BMPER: variants seen among roughly 807,000 people sequenced by gnomAD.
The protein encoded by BMPER is BMP-binding endothelial regulator protein.
Under a neutral mutation model 87.3 loss-of-function variants are expected in BMPER, and 45 were observed. The ratio of observed to expected loss-of-function variants is 0.52; its 90% CI spans 0.41 to 0.66. The LOEUF (loss-of-function observed/expected upper bound fraction) is 0.66. Among genes scored for constraint, BMPER ranks in the 30% least tolerant of loss-of-function variants. The probability of loss-of-function intolerance (pLI) is 0.00; values close to 1 mark genes in which losing one functional copy is unlikely to be tolerated. For synonymous variants in BMPER, 326 were observed against 316.2 expected, an observed-to-expected ratio of 1.03 and a Z score of -0.33; for missense variants, 784 against 867.5, an observed-to-expected ratio of 0.90 and a Z score of 1.21.
intron 13 of BMPER, among the ~76,000 whole-genome samples, chr7:34,113,506 G>A (rs1790034778): frequency 6.8e-6 from 1 of 147,302 alleles, no homozygotes; most frequent in South Asian, 2.2e-4. Context: ...TAATCTATCT[G>A]GAATTTATTT....
At chr7:34,064,917 A>G (rs958955756) in intron 11 of BMPER, among the ~76,000 whole-genome samples, 3 of 152,178 alleles carry the variant, frequency 2.0e-5, no homozygotes, top group Non-Finnish European at 4.4e-5. Flanking sequence ...TAACACATTC[A>G]GGTAGATTTA....
chr7:33,938,281 G>C (rs1280263356), intron 3 of BMPER, among the ~76,000 whole-genome samples: 1 of 152,192 alleles, frequency 6.6e-6, no homozygotes, highest in Non-Finnish European at 1.5e-5. Flanking sequence ...AGTTTACTGG[G>C]TGGCAGAGTG....
intron 2 of BMPER, among the ~76,000 whole-genome samples, chr7:33,930,266 G>T (rs1343261938): frequency 6.6e-6 from 1 of 152,030 alleles, no homozygotes; most frequent in Non-Finnish European, 1.5e-5. Context: ...TGTACACTTA[G>T]GGTTTGTGGC....
Position 33,905,594 on chromosome 7 carries a change from G to A in BMPER, c.-20G>A. 1 of 1,610,768 alleles carries A rather than the reference G, an allele frequency of 6.2e-7. No homozygotes were observed. ...GGCGGCGCGGGACCTGCAGTCGCCAGGGATTCCCTCCAGGTGACGATGCTC... is the reference window on the plus strand; with the variant it reads ...GGCGGCGCGGGACCTGCAGTCGCCAAGGATTCCCTCCAGGTGACGATGCTC... On this transcript the variant is annotated 5_prime_UTR_variant, in exon 1 of 15. Transcript: ENST00000649409.
In BMPER at chr7:34,079,201, G is replaced by T; in HGVS notation, c.1408+15G>T. On this transcript the variant is annotated intron_variant, in intron 12 of 14. Transcript: ENST00000649409. ...CACCAAAGCAGGTGGGGCGTCTGTG[G>T]CCTCCCTCTTGCTCTAGCCTCCGCC... 1.9e-6 allele frequency: 3 copies of T among 1,613,266 alleles called. No homozygotes were observed. The highest frequency in any genetic ancestry group is 2.5e-6 in the Non-Finnish European group (3 of 1,179,932).
At chr7:33,941,570 A>G (rs1784766530) in intron 3 of BMPER, among the ~76,000 whole-genome samples, 1 of 152,194 alleles carries the variant, frequency 6.6e-6, no homozygotes, top group Non-Finnish European at 1.5e-5. Context: ...GATGGGAGAC[A>G]GTGACAGATC....
At chr7:34,110,288 G>A (rs569101243) in intron 13 of BMPER, among the ~76,000 whole-genome samples, 1 of 152,252 alleles carries the variant, frequency 6.6e-6, no homozygotes, top group Non-Finnish European at 1.5e-5. Context: ...CAACTTCCCT[G>A]CAGTCTGCTC....
chr7:34,150,308 C>T (rs1294918094), intron 14 of BMPER, among the ~76,000 whole-genome samples: 1 of 152,134 alleles, frequency 6.6e-6, no homozygotes, highest in East Asian at 1.9e-4. Context: ...TCAATCTTGG[C>T]CGCTCATTAG....
intron 3 of BMPER, 123 bp downstream of exon 3, chr7:33,937,511 AGG>A: frequency 1.5e-6 from 1 of 689,426 alleles, no homozygotes; most frequent in Non-Finnish European, 2.4e-6. Flanking sequence ...GAGGAGAAGT[AGG>A]GTGTGTGTGT....
At position 34,085,958 on chromosome 7, in the gene BMPER, T is replaced by C; in HGVS notation, c.1611T>C (p.Pro537=). 1.9e-6 allele frequency: 3 copies of C among 1,614,052 alleles called. No homozygotes were observed. The highest frequency in any genetic ancestry group is 2.5e-6 in the Non-Finnish European group (3 of 1,180,002). Residue 537 remains proline, a synonymous_variant, in exon 13 of 15, where the codon CCT becomes CCC. Coordinates refer to ENST00000649409, the MANE Select transcript of BMPER (RefSeq NM_001365308.1). ...AGTCCAATGAGTTCTGCAACAGACC[T>C]CAGAGAAAGCCAGTGCCTGAACTGT... is the stretch of plus-strand genomic sequence containing the variant. ...RVESNEFCNR[P]QRKPVPELCQ...
chr7:34,017,293 G>A (rs927996914), intron 6 of BMPER, among the ~76,000 whole-genome samples: 1 of 151,788 alleles, frequency 6.6e-6, no homozygotes, highest in Non-Finnish European at 1.5e-5. Flanking sequence ...ACACACCCGA[G>A]ACTGGGTAAT....
chr7:34,106,620 A>T (rs895644888), intron 13 of BMPER, among the ~76,000 whole-genome samples: 1 of 151,876 alleles, frequency 6.6e-6, no homozygotes, highest in Non-Finnish European at 1.5e-5. Context: ...TCTGCTCCCA[A>T]CCTCTGCCTG....
At chr7:34,027,512 A>AG (rs1166829542) in intron 6 of BMPER, among the ~76,000 whole-genome samples, 2 of 152,140 alleles carry the variant, frequency 1.3e-5, no homozygotes, top group Non-Finnish European at 2.9e-5. Context: ...TGCAAAAAAA[A>AG]TTGATTGCAT....
At chr7:34,041,639 A>T (rs910115865) in intron 6 of BMPER, among the ~76,000 whole-genome samples, 1 of 152,146 alleles carries the variant, frequency 6.6e-6, no homozygotes, top group African/African-American at 2.4e-5. Context: ...TCACATATCA[A>T]CTTTTCATTA....
intron 1 of BMPER, among the ~76,000 whole-genome samples, chr7:33,906,613 C>T (rs1214912317): frequency 1.3e-5 from 2 of 152,108 alleles, no homozygotes; most frequent in Non-Finnish European, 2.9e-5. Context: ...ATAGTCTTTT[C>T]TTTTTTGAAC....
intron 6 of BMPER, among the ~76,000 whole-genome samples, chr7:33,990,575 A>G (rs943754068): frequency 2.0e-5 from 3 of 151,564 alleles, no homozygotes; most frequent in African/African-American, 7.3e-5. Flanking sequence ...GGACAATTTG[A>G]CTTCCTCTTT....
At chr7:33,959,871 A>G (rs777259019) in intron 3 of BMPER, among the ~76,000 whole-genome samples, 1 of 152,226 alleles carries the variant, frequency 6.6e-6, no homozygotes, top group Non-Finnish European at 1.5e-5. Flanking sequence ...CACAAACATT[A>G]GAAATCCAAG....
chr7:34,122,778 C>T (rs1790295152), intron 13 of BMPER, among the ~76,000 whole-genome samples: 1 of 152,098 alleles, frequency 6.6e-6, no homozygotes, highest in Admixed American at 6.5e-5. Context: ...CAAAGTTGTT[C>T]ATTTTTCTCT....
chr7:34,107,553 C>T (rs1201216703), intron 13 of BMPER, among the ~76,000 whole-genome samples: 2 of 152,126 alleles, frequency 1.3e-5, no homozygotes, highest in South Asian at 2.1e-4. Flanking sequence ...ATTTGGATTT[C>T]GAGTTAGGTT....
Sources: gnomAD v4.1 joint callset for allele counts (sites outside exome capture counted in the v4.1 genomes callset) on GRCh38, gnomAD v4.1.1 for gene constraint, MANE v1.5 for transcripts, NCBI Gene and HGNC (gene_info 2026-07-23, HGNC 2026-07-21) for gene names.